Variants in AGBL4 observed in about 807,000 individuals in gnomAD.
AGBL4 encodes cytosolic carboxypeptidase 6.
A neutral mutation model predicts 66.4 loss-of-function variants in AGBL4; 58 were observed. That is an observed-to-expected ratio of 0.87 (90% CI 0.71 to 1.09). AGBL4 has a LOEUF of 1.09. Among genes scored for constraint, AGBL4 ranks in the 50% least tolerant of loss-of-function variants. AGBL4 has a pLI of 0.00. For missense variants in AGBL4, 579 were observed against 631.0 expected, an observed-to-expected ratio of 0.92 and a Z score of 0.88; for synonymous variants, 234 against 222.9, an observed-to-expected ratio of 1.05 and a Z score of -0.44.
chr1:49,935,724 C>T (rs1653924607), intron 1 of AGBL4, among the ~76,000 whole-genome samples: 1 of 152,176 alleles, frequency 6.6e-6, no homozygotes, highest in African/African-American at 2.4e-5. Context: ...CCCAGGCAAA[C>T]AGGGTCTGGA....
intron 1 of AGBL4, among the ~76,000 whole-genome samples, chr1:49,856,965 T>C (rs1474345116): frequency 2.0e-5 from 3 of 151,968 alleles, no homozygotes; most frequent in Non-Finnish European, 4.4e-5. Context: ...TGATCTTTTA[T>C]TTAGAAAAAC....
chr1:48,688,512 GTGTT>G (rs963506825), intron 6 of AGBL4, among the ~76,000 whole-genome samples: 10 of 152,320 alleles, frequency 6.6e-5, no homozygotes, highest in South Asian at 2.1e-4. Context: ...ACATTGCTGA[GTGTT>G]TGTTGCTGAG....
chr1:50,001,002 G>A (rs1041031779), intron 1 of AGBL4, among the ~76,000 whole-genome samples: 10 of 150,006 alleles, frequency 6.7e-5, no homozygotes, highest in Non-Finnish European at 1.0e-4. Context: ...CAGAGACCAC[G>A]ACTAAAAAAA....
At chr1:49,379,778 T>G (rs554975196) in intron 3 of AGBL4, among the ~76,000 whole-genome samples, 1 of 152,234 alleles carries the variant, frequency 6.6e-6, no homozygotes, top group East Asian at 1.9e-4. Context: ...GGATTCAGTT[T>G]GCCAGTATTT....
At chr1:48,670,120 G>A (rs1162020131) in intron 6 of AGBL4, among the ~76,000 whole-genome samples, 1 of 152,162 alleles carries the variant, frequency 6.6e-6, no homozygotes, top group Non-Finnish European at 1.5e-5. Context: ...CAGGCGCTGG[G>A]GACAGGAGCC....
intron 3 of AGBL4, among the ~76,000 whole-genome samples, chr1:49,291,523 A>C (rs559683317): frequency 6.6e-6 from 1 of 152,222 alleles, no homozygotes; most frequent in Non-Finnish European, 1.5e-5. Context: ...TGGATAACAG[A>C]TTGTTGAATA....
In AGBL4 at chr1:49,505,364, CT is replaced by C. The variant is rs75515088; in HGVS notation, c.282+191948del. Among the ~76,000 whole-genome samples the C allele has an allele frequency of 5.3e-3, 784 of 146,902 alleles. 10 individuals carry two copies. The highest frequency in any genetic ancestry group is 0.016 in the African/African-American group (648 of 40,164). Reference sequence around the variant, plus strand: ...ATGTTTTTGTGTCACTAATTAGTGTCTTTTTTTTTTCAACTTTAAGAACTCC... The same window carrying C: ...ATGTTTTTGTGTCACTAATTAGTGTCTTTTTTTTTCAACTTTAAGAACTCC... On this transcript the variant is annotated intron_variant, in intron 3 of 13. Transcript: ENST00000371839.
chr1:48,958,425 A>G (rs950149326), intron 5 of AGBL4, among the ~76,000 whole-genome samples: 2 of 152,248 alleles, frequency 1.3e-5, no homozygotes, highest in African/African-American at 4.8e-5. Flanking sequence ...TCCAGTCCCT[A>G]TAACAGTTAG....
chr1:49,397,253 C>CA lies in AGBL4; in HGVS notation c.283-151390dup, dbSNP rs77923013. Among the ~76,000 whole-genome samples, 154 of 142,984 alleles carry CA rather than the reference C, an allele frequency of 1.1e-3. 1 individual carries two copies. The highest frequency in any genetic ancestry group is 3.6e-3 in the Middle Eastern group (1 of 278). The allele number at this position is 142,984 out of a possible 152,430, so 93.8% of individuals were successfully genotyped here. On this transcript the variant is annotated intron_variant, in intron 3 of 13. Transcript: ENST00000371839. Reference sequence around the variant, plus strand: ...GCTTCTGTTAAAGGCCCCACTCCACCAAAAAAAAAAAATCCTTCTCAGGGT... The same window carrying CA: ...GCTTCTGTTAAAGGCCCCACTCCACCAAAAAAAAAAAAATCCTTCTCAGGGT...
chr1:49,725,013 A>G (rs552008919), intron 2 of AGBL4, among the ~76,000 whole-genome samples: 18 of 152,100 alleles, frequency 1.2e-4, no homozygotes, highest in African/African-American at 4.1e-4. Flanking sequence ...AAAGAAGGGA[A>G]GAAAAGGGAA....
intron 3 of AGBL4, among the ~76,000 whole-genome samples, chr1:49,437,707 G>A (rs1233073920): frequency 1.3e-5 from 2 of 152,126 alleles, no homozygotes; most frequent in Non-Finnish European, 2.9e-5. Context: ...CTTTAAGAAT[G>A]CCTGAAAGCG....
downstream of AGBL4, among the ~76,000 whole-genome samples, chr1:48,529,107 C>T (rs1643893520): frequency 6.6e-6 from 1 of 151,970 alleles, no homozygotes; most frequent in Admixed American, 6.6e-5. Context: ...GACTCTGCTA[C>T]GTAATCTGTG....
intron 9 of AGBL4, among the ~76,000 whole-genome samples, chr1:48,629,381 A>G (rs1017561310): frequency 6.6e-6 from 1 of 152,186 alleles, no homozygotes; most frequent in African/African-American, 2.4e-5. Flanking sequence ...CTGAAAGGTA[A>G]TATCATTTCT....
At chr1:49,694,554 G>A (rs1265213055) in intron 3 of AGBL4, among the ~76,000 whole-genome samples, 1 of 152,120 alleles carries the variant, frequency 6.6e-6, no homozygotes, top group Non-Finnish European at 1.5e-5. Context: ...AGAACCCAGA[G>A]ACAGGGAAAA....
chr1:49,100,436 A>G (rs550956893), intron 4 of AGBL4, among the ~76,000 whole-genome samples: 1 of 152,324 alleles, frequency 6.6e-6, no homozygotes, highest in Admixed American at 6.5e-5. Context: ...AACTGGGGCA[A>G]TATGTCGTCT....
chr1:49,824,838 T>C (rs1179322361), intron 2 of AGBL4, among the ~76,000 whole-genome samples: 1 of 152,254 alleles, frequency 6.6e-6, no homozygotes, highest in Non-Finnish European at 1.5e-5. Flanking sequence ...TGGAAAGTGC[T>C]AAATGCTATC....
At chr1:49,798,834 A>G (rs1159494428) in intron 2 of AGBL4, among the ~76,000 whole-genome samples, 2 of 152,168 alleles carry the variant, frequency 1.3e-5, no homozygotes, top group Admixed American at 6.6e-5. Context: ...TATTTTCAGC[A>G]TCTTTGTAAA....
intron 6 of AGBL4, among the ~76,000 whole-genome samples, chr1:48,688,241 A>T (rs942217002): frequency 6.6e-6 from 1 of 152,122 alleles, no homozygotes; most frequent in South Asian, 2.1e-4. Flanking sequence ...GTTGGAAAAG[A>T]TGATGGAGTT....
At chr1:48,749,426 A>C (rs572561112) in intron 6 of AGBL4, among the ~76,000 whole-genome samples, 1 of 152,278 alleles carries the variant, frequency 6.6e-6, no homozygotes, top group African/African-American at 2.4e-5. Flanking sequence ...TGGTCCTACA[A>C]AATCGATCTT....
Sources: gnomAD v4.1 joint callset for allele counts (sites outside exome capture counted in the v4.1 genomes callset) on GRCh38, gnomAD v4.1.1 for gene constraint, MANE v1.5 for transcripts, NCBI Gene and HGNC (gene_info 2026-07-23, HGNC 2026-07-21) for gene names.